The following TRPC4 variants were observed in gnomAD, a reference collection of about 807,000 sequenced individuals.
TRPC4 encodes transient receptor potential cation channel subfamily C member 4, also known as short transient receptor potential channel 4.
TRPC4 carries 49 observed loss-of-function variants against 99.4 expected under a neutral mutation model. The observed-to-expected ratio is 0.49, with a 90% CI of 0.39 to 0.63. The LOEUF (loss-of-function observed/expected upper bound fraction) is 0.63, where lower values mean the gene tolerates loss of function less well. TRPC4 is among the 20% of genes least tolerant of loss of function. TRPC4 has a pLI of 0.00. For synonymous variants in TRPC4, 454 were observed against 425.9 expected, an observed-to-expected ratio of 1.07 and a Z score of -0.81; for missense variants, 898 against 1,152.9, an observed-to-expected ratio of 0.78 and a Z score of 3.20.
chr13:37,673,189 T>A (rs1310106973), intron 5 of TRPC4, among the ~76,000 whole-genome samples: 1 of 147,666 alleles, frequency 6.8e-6, no homozygotes, highest in Non-Finnish European at 1.5e-5. Context: ...AGTGAGAACA[T>A]GCGGTGTTTG....
intron 1 of TRPC4, among the ~76,000 whole-genome samples, chr13:37,869,004 T>TCAA: frequency 6.6e-6 from 1 of 152,198 alleles, no homozygotes; most frequent in South Asian, 2.1e-4. Flanking sequence ...GGAATCTCGG[T>TCAA]TGCCAGGCGA....
intron 1 of TRPC4, among the ~76,000 whole-genome samples, chr13:37,821,117 C>A (rs569458850): frequency 2.0e-5 from 3 of 149,356 alleles, no homozygotes; most frequent in Admixed American, 1.3e-4. Context: ...TGTACAAAAA[C>A]CAATAGCATT....
At chr13:37,654,276 C>A (rs1292843147) in intron 7 of TRPC4, among the ~76,000 whole-genome samples, 1 of 152,048 alleles carries the variant, frequency 6.6e-6, no homozygotes, top group Admixed American at 6.6e-5. Context: ...AATGGGAAAA[C>A]TATAATTACG....
chr13:37,818,287 A>G (rs371694054), intron 1 of TRPC4, among the ~76,000 whole-genome samples: 3 of 152,222 alleles, frequency 2.0e-5, no homozygotes, highest in East Asian at 3.9e-4. Flanking sequence ...CAATCATTAA[A>G]AAGTCAGGAA....
chr13:37,803,594 T>C (rs1056554079), intron 1 of TRPC4, among the ~76,000 whole-genome samples: 4 of 152,104 alleles, frequency 2.6e-5, no homozygotes, highest in Admixed American at 1.3e-4. Flanking sequence ...TGTAGTATAC[T>C]GAGAATGCTG....
intron 8 of TRPC4, among the ~76,000 whole-genome samples, chr13:37,643,461 A>G (rs1302182653): frequency 6.6e-6 from 1 of 152,188 alleles, no homozygotes; most frequent in African/African-American, 2.4e-5. Flanking sequence ...TGTGTGAAGG[A>G]AAGAAGCCGT....
intron 4 of TRPC4, among the ~76,000 whole-genome samples, chr13:37,690,590 C>T (rs1426703446): frequency 1.3e-5 from 2 of 152,186 alleles, no homozygotes; most frequent in Non-Finnish European, 2.9e-5. Flanking sequence ...TCACTGTGTC[C>T]TGCCCGGCCT....
chr13:37,861,263 C>T (rs1456027594), intron 1 of TRPC4, among the ~76,000 whole-genome samples: 1 of 151,408 alleles, frequency 6.6e-6, no homozygotes, highest in Non-Finnish European at 1.5e-5. Flanking sequence ...TAGATATTTA[C>T]ATTTTTAAAA....
intron 1 of TRPC4, among the ~76,000 whole-genome samples, chr13:37,796,926 T>G (rs559331926): frequency 2.2e-4 from 1 of 4,602 alleles, no homozygotes; most frequent in East Asian, 0.013. Context: ...AACTCCTCTC[T>G]ACAAAAATAA....
intron 2 of TRPC4, among the ~76,000 whole-genome samples, chr13:37,750,495 T>C (rs1227054830): frequency 2.6e-5 from 4 of 152,184 alleles, no homozygotes; most frequent in African/African-American, 9.6e-5. Flanking sequence ...CTAATGCCTT[T>C]TCTGTTTCAA....
At chr13:37,829,555 TG>T (rs1185451955) in intron 1 of TRPC4, among the ~76,000 whole-genome samples, 1 of 152,200 alleles carries the variant, frequency 6.6e-6, no homozygotes, top group East Asian at 1.9e-4. Context: ...TAAAACCAGT[TG>T]GATCAGCCAC....
intron 3 of TRPC4, among the ~76,000 whole-genome samples, chr13:37,712,635 G>A (rs546707109): frequency 5.2e-4 from 79 of 152,260 alleles, no homozygotes; most frequent in Admixed American, 8.5e-4. Flanking sequence ...TTATCCTCAA[G>A]AGCATGGGAG....
At chr13:37,825,043 T>G (rs1958159644) in intron 1 of TRPC4, among the ~76,000 whole-genome samples, 1 of 151,610 alleles carries the variant, frequency 6.6e-6, no homozygotes, top group Non-Finnish European at 1.5e-5. Context: ...CTTCTAGATT[T>G]TCTAGTTTAT....
intron 3 of TRPC4, among the ~76,000 whole-genome samples, chr13:37,737,407 C>T (rs684790): frequency 1.1e-4 from 17 of 152,044 alleles, no homozygotes; most frequent in African/African-American, 3.9e-4. Context: ...AACACTACAT[C>T]CTTGGTTAGG....
At chr13:37,711,995 C>T (rs1249893389) in intron 3 of TRPC4, among the ~76,000 whole-genome samples, 1 of 151,678 alleles carries the variant, frequency 6.6e-6, no homozygotes, top group East Asian at 1.9e-4. Context: ...CCTTTGAAAT[C>T]TCGTGTGCAT....
intron 2 of TRPC4, among the ~76,000 whole-genome samples, chr13:37,773,078 A>T (rs17056628): frequency 2.0e-5 from 3 of 151,760 alleles, no homozygotes; most frequent in African/African-American, 4.8e-5. Context: ...AGTCAGGGGC[A>T]AAGATTCAGT....
At chr13:37,812,673 TGA>T (rs558611470) in intron 1 of TRPC4, among the ~76,000 whole-genome samples, 12 of 151,950 alleles carry the variant, frequency 7.9e-5, no homozygotes, top group Non-Finnish European at 1.3e-4. Context: ...TAGTGCCTCT[TGA>T]GAGAGAGAAG....
chr13:37,822,717 G>T (rs1958052456), intron 1 of TRPC4, among the ~76,000 whole-genome samples: 1 of 152,046 alleles, frequency 6.6e-6, no homozygotes, highest in Non-Finnish European at 1.5e-5. Flanking sequence ...TGTGAATAAT[G>T]CCGCAATGAA....
chr13:37,825,370 G>A (rs1403369502), intron 1 of TRPC4, among the ~76,000 whole-genome samples: 2 of 149,812 alleles, frequency 1.3e-5, no homozygotes, highest in South Asian at 2.1e-4. Context: ...ATGTTAGGGT[G>A]TCAATTTTGG....
Sources: gnomAD v4.1 joint callset for allele counts (sites outside exome capture counted in the v4.1 genomes callset) on GRCh38, gnomAD v4.1.1 for gene constraint, MANE v1.5 for transcripts, NCBI Gene and HGNC (gene_info 2026-07-23, HGNC 2026-07-21) for gene names.